The following PKHD1L1 variants were observed in gnomAD, a reference collection of about 807,000 sequenced individuals.
The protein encoded by PKHD1L1 is PKHD1 like 1, also known as fibrocystin-L.
PKHD1L1 carries 434 observed loss-of-function variants against 462.9 expected under a neutral mutation model. That is an observed-to-expected ratio of 0.94 (90% confidence interval 0.87 to 1.02). The LOEUF (loss-of-function observed/expected upper bound fraction) is 1.02. PKHD1L1 is among the 50% of genes least tolerant of loss of function. PKHD1L1 has a pLI of 0.00. For missense variants in PKHD1L1, 5,202 were observed against 5,096.1 expected (o/e 1.02, Z -0.63); for synonymous variants, 1,781 against 1,750.0 (o/e 1.02, Z -0.44).
chr8:109,508,789 G>A (rs2130981986), intron 70 of PKHD1L1, among the ~76,000 whole-genome samples: 1 of 152,198 alleles, frequency 6.6e-6, no homozygotes, highest in Non-Finnish European at 1.5e-5. Flanking sequence ...AGACCAGCTG[G>A]TCAAGCTCTA....
chr8:109,436,517 G>A (rs1320782184), intron 30 of PKHD1L1, 58 bp downstream of exon 30: 1 of 1,593,304 alleles, frequency 6.3e-7, no homozygotes. Flanking sequence ...TATAAATTAG[G>A]AAACATCTCA....
intron 50 of PKHD1L1, among the ~76,000 whole-genome samples, chr8:109,473,247 C>A (rs1008517462): frequency 6.6e-6 from 1 of 152,178 alleles, no homozygotes; most frequent in Non-Finnish European, 1.5e-5. Context: ...TGCGGTGGCT[C>A]ATGCCTGTAA....
chr8:109,411,180 C>T lies in PKHD1L1; in HGVS notation c.2086-1085C>T, dbSNP rs971585395. Among the ~76,000 whole-genome samples, 16 of 152,110 alleles carry T rather than the reference C, an allele frequency of 1.1e-4. No individual in the cohort carries two copies. In the South Asian group the frequency reaches 1.5e-3, roughly 14 times the overall value. ...CATAACACTCTGGTTAATTAGTACA[C>T]GGCCCAGTCATTATTTATTTCTTAA... On this transcript the variant is annotated intron_variant, in intron 19 of 77. Transcript: ENST00000378402.
chr8:109,394,656 A>G (rs1812880367), intron 10 of PKHD1L1, among the ~76,000 whole-genome samples, 171 bp downstream of exon 10: 3 of 152,214 alleles, frequency 2.0e-5, no homozygotes, highest in Non-Finnish European at 2.9e-5. Context: ...AACATTAAGC[A>G]TGACCTCCCC....
intron 74 of PKHD1L1, 145 bp downstream of exon 74, chr8:109,522,482 G>A (rs1586664568): frequency 3.8e-6 from 4 of 1,058,510 alleles, no homozygotes; most frequent in South Asian, 2.1e-5. Context: ...TTATAGGCTC[G>A]CTAAAATGAT....
At chr8:109,529,502 T>A (rs887292537) in intron 77 of PKHD1L1, among the ~76,000 whole-genome samples, 1 of 152,190 alleles carries the variant, frequency 6.6e-6, no homozygotes, top group East Asian at 1.9e-4. Context: ...TATTTGTGCA[T>A]TTTGCATTGC....
chr8:109,489,161 T>C (rs1818701524), intron 59 of PKHD1L1, among the ~76,000 whole-genome samples: 1 of 152,002 alleles, frequency 6.6e-6, no homozygotes, highest in South Asian at 2.1e-4. Flanking sequence ...AGGTAGGCTT[T>C]CCTTTCTAGT....
At chr8:109,455,630 G>T (rs1816778976) in intron 45 of PKHD1L1, among the ~76,000 whole-genome samples, 6 of 152,146 alleles carry the variant, frequency 3.9e-5, no homozygotes. Context: ...GGGATTTATA[G>T]TTGTGGATTT....
intron 29 of PKHD1L1, 70 bp downstream of exon 29, chr8:109,435,424 TAC>T: frequency 6.6e-7 from 1 of 1,507,660 alleles, no homozygotes; most frequent in Non-Finnish European, 9.0e-7. Flanking sequence ...CTGTTTCTAG[TAC>T]AGGGTGAAGG....
At chr8:109,506,675 ATATT>A (rs1490876255) in intron 68 of PKHD1L1, among the ~76,000 whole-genome samples, 1 of 152,324 alleles carries the variant, frequency 6.6e-6, no homozygotes, top group African/African-American at 2.4e-5. Flanking sequence ...AACTACAAAA[ATATT>A]TATTAAAATC....
intron 76 of PKHD1L1, among the ~76,000 whole-genome samples, chr8:109,524,837 TTCTG>T (rs1820735503): frequency 8.0e-6 from 1 of 124,924 alleles, no homozygotes; most frequent in African/African-American, 3.2e-5. Flanking sequence ...CCCTCCCTCC[TTCTG>T]TCCTTCCTTC....
chr8:109,381,992 CT>C (rs1812144613), intron 3 of PKHD1L1, among the ~76,000 whole-genome samples: 1 of 152,078 alleles, frequency 6.6e-6, no homozygotes, highest in South Asian at 2.1e-4. Flanking sequence ...TAAATTGCAA[CT>C]TTCAATATTG....
At position 109,518,440 on chromosome 8, in the gene PKHD1L1, C is replaced by A; in HGVS notation, c.11963C>A (p.Ser3988Tyr). The part of the protein sequence containing the change: ...IRGKSLRRKR[S>Y]MGFIIEIEIG... ...GGGAAGAGTCTGAGGAGGAAGAGAT[C>A]CATGGGATTCATAATTGAAATAGAG... The change falls in exon 73 of 78, where the codon TCC becomes TAC. Residue 3988 changes from serine to tyrosine, a missense_variant. Coordinates refer to ENST00000378402, the MANE Select transcript of PKHD1L1 (RefSeq NM_177531.6). 6.2e-7 allele frequency: 1 copy of A among 1,611,080 alleles called. No individual in the cohort carries two copies. The highest frequency in any genetic ancestry group is 8.5e-7 in the Non-Finnish European group (1 of 1,179,528).
chr8:109,403,692 T>C (rs1813386516), intron 14 of PKHD1L1, among the ~76,000 whole-genome samples: 3 of 152,106 alleles, frequency 2.0e-5, no homozygotes, highest in African/African-American at 7.2e-5. Flanking sequence ...CATTGGGCAA[T>C]GATCCAGAAC....
At chr8:109,470,246 A>G in intron 50 of PKHD1L1, 3 of 1,360,510 alleles carry the variant, frequency 2.2e-6, no homozygotes, top group Non-Finnish European at 3.1e-6. Context: ...TACTCAGATC[A>G]TCATGAAAAC....
rs748990752 is a variant in PKHD1L1, at chr8:109,451,118, A to C, written c.6319A>C (p.Thr2107Pro). 2 of 1,611,902 alleles carry C rather than the reference A, an allele frequency of 1.2e-6. No individual in the cohort carries two copies. The highest frequency in any genetic ancestry group is 1.7e-6 in the Non-Finnish European group (2 of 1,178,672). The stretch of plus-strand genomic sequence containing the variant: ...TAAGAGAGGCAGTACAGCAGGGGGC[A>C]CCAGACTGACAGTCGTGGGATCAGG... ...SPKRGSTAGG[T>P]RLTVVGSGFS... The change falls in exon 41 of 78, where the codon ACC becomes CCC. Residue 2107 changes from threonine (T) to proline (P), a missense_variant. Physicochemically the swap from Thr to Pro is conservative, Grantham distance 38. This residue lies in a region of PKHD1L1 where 4,497 missense variants were observed against 4,336.8 expected (regional missense o/e 1.04). Coordinates refer to ENST00000378402, the MANE Select transcript of PKHD1L1 (RefSeq NM_177531.6).
At chr8:109,511,754 C>A (rs1436551676) in intron 71 of PKHD1L1, among the ~76,000 whole-genome samples, 4 of 152,048 alleles carry the variant, frequency 2.6e-5, no homozygotes, top group African/African-American at 9.7e-5. Flanking sequence ...GTTCTAGATC[C>A]CTGAGGAATC....
intron 30 of PKHD1L1, 42 bp from the exon 31 acceptor site, chr8:109,438,282 C>A: frequency 7.4e-7 from 1 of 1,357,410 alleles, no homozygotes; most frequent in Admixed American, 2.7e-5. Context: ...ATTTCTGTAT[C>A]TCAACAATTA....
chr8:109,407,139 C>G (rs1464806806), intron 17 of PKHD1L1, among the ~76,000 whole-genome samples: 1 of 151,960 alleles, frequency 6.6e-6, no homozygotes. Context: ...AAAGTAGGTC[C>G]CTGAATGTGT....
Sources: gnomAD v4.1 joint callset for allele counts (sites outside exome capture counted in the v4.1 genomes callset) on GRCh38, gnomAD v4.1.1 for gene constraint, gnomAD v4.1.1 regional missense constraint, MANE v1.5 for transcripts, NCBI Gene and HGNC (gene_info 2026-07-23, HGNC 2026-07-21) for gene names.